The following TSPAN1 variants were observed in gnomAD, a reference collection of about 807,000 sequenced individuals.
TSPAN1 encodes tetraspanin 1.
In TSPAN1, 23 loss-of-function variants were observed where a neutral mutation model predicts 26.9. The ratio of observed to expected loss-of-function variants is 0.85; its 90% CI spans 0.62 to 1.21. TSPAN1 has a LOEUF of 1.21. Ranked by LOEUF, TSPAN1 falls within the 50% of genes most tolerant of loss-of-function variation. The pLI, the probability that TSPAN1 is intolerant of heterozygous loss-of-function variation, is 0.00. For synonymous variants in TSPAN1, 115 were observed against 114.8 expected, an observed-to-expected ratio of 1.00 and a Z score of -0.01; for missense variants, 283 against 298.4, an observed-to-expected ratio of 0.95 and a Z score of 0.38.
chr1:46,184,974 C>T lies in TSPAN1; in HGVS notation c.453C>T (p.Gly151=). ...NTTMKGLKCC[G]FTNYTDFEDS... is the part of the protein sequence containing the mutation. ...CTTGTCTCCAGCTCAAGTGCTGTGG[C>T]TTCACCAACTATACGGATTTTGAGG... The change falls in exon 7 of 9, where the codon GGC becomes GGT. Residue 151 remains glycine, a synonymous_variant. Coordinates refer to ENST00000372003, the MANE Select transcript of TSPAN1 (RefSeq NM_005727.4). 1 of 1,614,228 alleles carries T rather than the reference C, an allele frequency of 6.2e-7. No homozygotes were observed.
At chr1:46,194,194 G>A in the TSPAN1 span, 3 of 1,611,698 alleles carry the variant, frequency 1.9e-6, no homozygotes, top group Non-Finnish European at 2.5e-6. Context: ...GGTAGGGAAA[G>A]CCCAACCTAG....
At chr1:46,186,539 GGAGT>G (rs2148150248), downstream of TSPAN1, among the ~76,000 whole-genome samples, 2 of 146,048 alleles carry the variant, frequency 1.4e-5, 1 homozygote, top group Admixed American at 1.4e-4. Context: ...TGCCCAGGCT[GGAGT>G]GCAATGGTGT....
the TSPAN1 span, chr1:46,191,629 T>C: frequency 4.4e-5 from 11 of 249,712 alleles, no homozygotes; most frequent in African/African-American, 2.2e-4. Flanking sequence ...AGTGAGGTAG[T>C]AGTATTTTAT....
the TSPAN1 span, chr1:46,194,295 G>C: frequency 6.2e-7 from 1 of 1,614,182 alleles, no homozygotes; most frequent in Non-Finnish European, 8.5e-7. Context: ...TGAACTCGAT[G>C]GGTGTGGGGT....
the TSPAN1 span, chr1:46,195,763 G>A: frequency 2.7e-6 from 4 of 1,508,774 alleles, no homozygotes; most frequent in East Asian, 9.7e-5. Context: ...GCTAGAAGCA[G>A]GGTTGGAGCT....
intron 1 of TSPAN1, chr1:46,176,510 G>A: frequency 6.5e-7 from 1 of 1,532,344 alleles, no homozygotes; most frequent in Non-Finnish European, 8.7e-7. Flanking sequence ...GGGGGGTGCT[G>A]TTGGCCAGGG....
intron 3 of TSPAN1, 73 bp from the exon 4 acceptor site, chr1:46,184,118 T>G: frequency 6.6e-7 from 1 of 1,518,228 alleles, no homozygotes; most frequent in Non-Finnish European, 9.1e-7. Context: ...GCTCCCATCC[T>G]TCTTACTCAG....
downstream of TSPAN1, chr1:46,190,649 G>A (rs1213790177): frequency 1.9e-6 from 3 of 1,544,216 alleles, no homozygotes; most frequent in African/African-American, 2.7e-5. Context: ...GCCCAGCATT[G>A]GAAGGGACTT....
the TSPAN1 span, chr1:46,193,508 A>G: frequency 6.2e-7 from 1 of 1,613,966 alleles, no homozygotes; most frequent in South Asian, 1.1e-5. Flanking sequence ...CGTCCCTGGC[A>G]ATCACTGCTG....
intron 3 of TSPAN1, among the ~76,000 whole-genome samples, chr1:46,181,894 A>G (rs538181951): frequency 9.9e-5 from 15 of 152,272 alleles, no homozygotes; most frequent in African/African-American, 3.6e-4. Context: ...GTGAAACTTG[A>G]TATCGTTCAG....
chr1:46,186,521 G>C (rs12135511), downstream of TSPAN1, among the ~76,000 whole-genome samples: 174 of 135,406 alleles, frequency 1.3e-3, no homozygotes, highest in Middle Eastern at 4.0e-3. Flanking sequence ...ACAGAGTTTC[G>C]CTCTTGTTGC....
At chr1:46,179,773 G>A (rs1657267102) in intron 1 of TSPAN1, among the ~76,000 whole-genome samples, 1 of 152,148 alleles carries the variant, frequency 6.6e-6, no homozygotes, top group Non-Finnish European at 1.5e-5. Context: ...AGAAGACTGG[G>A]AAGGAGAAAA....
downstream of TSPAN1, chr1:46,189,137 T>C: frequency 1.3e-6 from 2 of 1,491,764 alleles, no homozygotes; most frequent in Middle Eastern, 1.9e-4. Context: ...TTGGAGTTAG[T>C]AATTAAGTCT....
At chr1:46,189,959 G>A (rs1571647920), downstream of TSPAN1, 1 of 1,614,136 alleles carries the variant, frequency 6.2e-7, no homozygotes, top group Non-Finnish European at 8.5e-7. Flanking sequence ...CTTCACAAGG[G>A]TTCTTGCTGT....
At chr1:46,176,362 C>T (rs1280945307) in intron 1 of TSPAN1, 1 of 1,535,756 alleles carries the variant, frequency 6.5e-7, no homozygotes, top group African/African-American at 1.4e-5. Context: ...TCTGCGGCTA[C>T]ACTTGAACAT....
Position 46,181,154 on chromosome 1 carries a change from T to G in TSPAN1, c.47T>G (p.Leu16Trp). The change falls in exon 3 of 9, where the codon TTG (leucine) becomes TGG (tryptophan). Residue 16 changes from leucine to tryptophan, a missense_variant. Coordinates refer to ENST00000372003, the MANE Select transcript of TSPAN1 (RefSeq NM_005727.4). ...FIKTMMILFN[L>W]LIFLCGAALL... ...AAGACCATGATGATCCTCTTCAATT[T>G]GCTCATCTTTGTAAGTACGGACATT... 1.2e-6 allele frequency: 2 copies of G among 1,613,642 alleles called. No individual in the cohort carries two copies. The highest frequency in any genetic ancestry group is 1.7e-6 in the Non-Finnish European group (2 of 1,179,746).
downstream of TSPAN1, among the ~76,000 whole-genome samples, chr1:46,187,400 C>A (rs1657457698): frequency 6.6e-6 from 1 of 152,144 alleles, no homozygotes; most frequent in African/African-American, 2.4e-5. Context: ...CAAGCAAAGC[C>A]CAGCCTAACA....
chr1:46,188,101 C>G (rs377613880), downstream of TSPAN1, among the ~76,000 whole-genome samples: 6 of 152,318 alleles, frequency 3.9e-5, no homozygotes, highest in East Asian at 1.2e-3. Context: ...TCTTCCTAAC[C>G]TCTTTGGGTT....
the TSPAN1 span, chr1:46,195,897 C>CA: frequency 1.9e-6 from 3 of 1,613,912 alleles, no homozygotes; most frequent in Non-Finnish European, 1.7e-6. Flanking sequence ...GAGTACGTGT[C>CA]AAACACACGT....
Sources: allele counts gnomAD v4.1 joint callset (sites outside exome capture counted in the v4.1 genomes callset), GRCh38; gene constraint gnomAD v4.1.1; transcripts MANE v1.5; gene names NCBI Gene and HGNC (gene_info 2026-07-23, HGNC 2026-07-21).